Variants in MYO9A observed in about 807,000 individuals in gnomAD.
MYO9A encodes the protein myosin IXA, also known as unconventional myosin-IXa.
Under a neutral mutation model 293.3 loss-of-function variants are expected in MYO9A, and 103 were observed. The ratio of observed to expected loss-of-function variants is 0.35; its 90% CI spans 0.30 to 0.41. MYO9A has a LOEUF of 0.41. Among genes scored for constraint, MYO9A ranks in the 10% least tolerant of loss-of-function variants. The pLI is 1.00. For missense variants in MYO9A, 2,685 were observed against 3,033.0 expected, an observed-to-expected ratio of 0.89 and a Z score of 2.69; for synonymous variants, 1,001 against 1,035.7, an observed-to-expected ratio of 0.97 and a Z score of 0.64.
chr15:72,085,081 C>T (rs2079672901), intron 1 of MYO9A, among the ~76,000 whole-genome samples: 1 of 152,134 alleles, frequency 6.6e-6, no homozygotes, highest in Admixed American at 6.6e-5. Flanking sequence ...CTGTCCTCAG[C>T]TTGACCTATT....
intron 34 of MYO9A, among the ~76,000 whole-genome samples, chr15:71,858,049 A>G (rs1324665911): frequency 6.6e-6 from 1 of 152,312 alleles, no homozygotes; most frequent in Non-Finnish European, 1.5e-5. Context: ...AATCAAAACC[A>G]CAATGAGATA....
intron 1 of MYO9A, among the ~76,000 whole-genome samples, chr15:72,089,458 G>A (rs564689541): frequency 4.6e-5 from 7 of 152,154 alleles, no homozygotes; most frequent in South Asian, 2.1e-4. Context: ...CACTGTGCCC[G>A]GCAGGATGGG....
At chr15:71,850,288 A>G (rs548611389) in intron 37 of MYO9A, 121 bp from the exon 38 acceptor site, 7 of 1,143,548 alleles carry the variant, frequency 6.1e-6, no homozygotes, top group Non-Finnish European at 8.8e-6. Flanking sequence ...TAGTACTAGA[A>G]GGATATCCAT....
chr15:71,853,016 C>G (rs1281444333), intron 35 of MYO9A, among the ~76,000 whole-genome samples: 1 of 152,176 alleles, frequency 6.6e-6, no homozygotes, highest in Non-Finnish European at 1.5e-5. Flanking sequence ...ATTGCTTGAA[C>G]CCAGGAGACG....
intron 8 of MYO9A, among the ~76,000 whole-genome samples, chr15:72,001,944 G>A (rs2076877672): frequency 6.6e-6 from 1 of 152,082 alleles, no homozygotes; most frequent in Non-Finnish European, 1.5e-5. Flanking sequence ...AAAATCCAAA[G>A]CTATATTGTG....
chr15:71,857,110 G>A (rs2055894676), intron 34 of MYO9A, among the ~76,000 whole-genome samples: 1 of 152,176 alleles, frequency 6.6e-6, no homozygotes, highest in African/African-American at 2.4e-5. Flanking sequence ...CATTAGAAAT[G>A]TTATGACTTG....
intron 39 of MYO9A, among the ~76,000 whole-genome samples, chr15:71,846,890 C>T (rs2055410960): frequency 2.0e-5 from 3 of 152,146 alleles, no homozygotes; most frequent in Non-Finnish European, 2.9e-5. Flanking sequence ...TAGTTCACTC[C>T]TATTTGTAGC....
At chr15:72,003,963 A>G (rs1400466495) in intron 8 of MYO9A, among the ~76,000 whole-genome samples, 1 of 152,150 alleles carries the variant, frequency 6.6e-6, no homozygotes, top group Non-Finnish European at 1.5e-5. Context: ...AAAAACTCTC[A>G]ACTCATTTCA....
At chr15:71,925,712 C>T (rs2058293881) in intron 18 of MYO9A, among the ~76,000 whole-genome samples, 1 of 152,152 alleles carries the variant, frequency 6.6e-6, no homozygotes. Context: ...TAATTTACAT[C>T]TTTTTAAAAT....
At chr15:72,041,493 G>T in intron 2 of MYO9A, 1 of 347,340 alleles carries the variant, frequency 2.9e-6, no homozygotes, top group Non-Finnish European at 5.6e-6. Context: ...GTGAACCTTG[G>T]CATGACCAAG....
intron 8 of MYO9A, among the ~76,000 whole-genome samples, chr15:72,005,713 G>A (rs2076996756): frequency 6.6e-6 from 1 of 152,166 alleles, no homozygotes; most frequent in Non-Finnish European, 1.5e-5. Context: ...AACGCTGGGT[G>A]GTTAGATAAA....
At chr15:72,106,724 C>A (rs1261761390) in intron 1 of MYO9A, among the ~76,000 whole-genome samples, 1 of 152,102 alleles carries the variant, frequency 6.6e-6, no homozygotes, top group East Asian at 1.9e-4. Flanking sequence ...CCTTAGGCTC[C>A]CAAAGTGCTG....
rs199900416 is a variant in MYO9A, at chr15:71,916,448, T to C, written c.2607A>G (p.Thr869=). 1.4e-5 allele frequency: 22 copies of C among 1,612,858 alleles called. No homozygotes were observed. The highest frequency in any genetic ancestry group is 2.2e-5 in the East Asian group (1 of 44,774). Residue 869 remains threonine (T), a synonymous_variant, in exon 19 of 42, where the codon ACA becomes ACG. Transcript: ENST00000356056. ...VNSLKHLTRL[T]LQDRITKSLL... is the part of the protein sequence containing the mutation. ...GAGACTTGGTAATGCGATCTTGTAG[T>C]GTCAGTCTTGTCAGGTGCTTTAAAG...
rs202014331 is a variant in MYO9A, at chr15:71,826,905, G to A, written c.7322C>T (p.Thr2441Met). The change falls in exon 42 of 42, where the codon ACG becomes ATG. Residue 2441 changes from threonine to methionine, a missense_variant. Around this residue, in one of 10 missense-constraint regions of MYO9A, gnomAD observed 350 missense variants for 328.9 expected, o/e 1.06. Transcript: ENST00000356056. ...TTTTCTGGTCCCATGAGATGATGCC[G>A]TGTTAGACAGACATAAAGAGGAGAC... ...SSVSSLCLSN[T>M]ASSHGTRKLF... The A allele has an allele frequency of 8.3e-5, 134 of 1,613,924 alleles. No individual in the cohort carries two copies. Among genetic ancestry groups the A allele is most frequent in the East Asian group, 1.3e-4 (6 of 44,894 alleles).
intron 32 of MYO9A, among the ~76,000 whole-genome samples, chr15:71,871,898 T>C (rs2056525909): frequency 1.3e-5 from 2 of 151,566 alleles, no homozygotes; most frequent in Non-Finnish European, 1.5e-5. Context: ...GTAATACATA[T>C]GTGTATAAAA....
chr15:71,913,570 C>T (rs1379347316), intron 19 of MYO9A, among the ~76,000 whole-genome samples: 1 of 152,114 alleles, frequency 6.6e-6, no homozygotes, highest in Non-Finnish European at 1.5e-5. Flanking sequence ...ATTTTAAAGT[C>T]TGTCTCTGAT....
chr15:71,882,663 C>T (rs966707498), intron 28 of MYO9A, among the ~76,000 whole-genome samples: 1 of 152,076 alleles, frequency 6.6e-6, no homozygotes, highest in Admixed American at 6.5e-5. Flanking sequence ...TTATAAAGTG[C>T]CAGGCATCTG....
At chr15:72,037,128 A>T (rs2078074039) in intron 2 of MYO9A, among the ~76,000 whole-genome samples, 1 of 151,818 alleles carries the variant, frequency 6.6e-6, no homozygotes, top group African/African-American at 2.4e-5. Context: ...TTACTTGGAA[A>T]TCACTTGCTT....
intron 10 of MYO9A, 49 bp from the exon 11 acceptor site, chr15:71,991,286 T>A: frequency 7.0e-7 from 1 of 1,420,612 alleles, no homozygotes. Flanking sequence ...TAAATTTATT[T>A]AATGAATAAT....
Sources: allele counts gnomAD v4.1 joint callset (sites outside exome capture counted in the v4.1 genomes callset), GRCh38; gene constraint gnomAD v4.1.1; regional missense constraint gnomAD v4.1.1; transcripts MANE v1.5; gene names NCBI Gene and HGNC (gene_info 2026-07-23, HGNC 2026-07-21).